The following ZNF385B variants were observed in gnomAD, a reference collection of about 807,000 sequenced individuals.
ZNF385B encodes zinc finger protein 533.
ZNF385B carries 23 observed loss-of-function variants against 39.2 expected under a neutral mutation model. The observed-to-expected ratio is 0.59, with a 90% CI of 0.42 to 0.83. The LOEUF is 0.83. Ranked by LOEUF, ZNF385B falls within the 40% of genes least tolerant of loss-of-function variation. The pLI, the probability that ZNF385B is intolerant of heterozygous loss-of-function variation, is 0.00. For synonymous variants in ZNF385B, 205 were observed against 222.6 expected, an observed-to-expected ratio of 0.92 and a Z score of 0.70; for missense variants, 552 against 598.9, an observed-to-expected ratio of 0.92 and a Z score of 0.82.
At chr2:179,766,888 T>C (rs1230497064) in intron 3 of ZNF385B, among the ~76,000 whole-genome samples, 2 of 152,156 alleles carry the variant, frequency 1.3e-5, no homozygotes, top group Non-Finnish European at 2.9e-5. Context: ...GCTTGCTTTG[T>C]CAGTGGGCTT....
At chr2:179,505,565 A>T (rs915862837) in intron 5 of ZNF385B, among the ~76,000 whole-genome samples, 11 of 152,108 alleles carry the variant, frequency 7.2e-5, no homozygotes, top group Non-Finnish European at 1.5e-4. Context: ...AAACTGGGTA[A>T]CCACCTTAAG....
rs143659045 is a variant in ZNF385B, at chr2:179,798,098, C to T, written c.-154-27426G>A. ...AGGGATCTTTTTTTAAGTATCATTA[C>T]CAACTTATGGATTCTAACATATCTC... is the stretch of plus-strand genomic sequence containing the variant. On this transcript the variant is annotated intron_variant, in intron 1 of 9. Coordinates refer to ENST00000410066, the MANE Select transcript of ZNF385B (RefSeq NM_152520.6). Among the ~76,000 whole-genome samples the T allele has an allele frequency of 8.7e-3, 1,319 of 152,102 alleles. 9 individuals are homozygous for T. Among genetic ancestry groups the T allele is most frequent in the Non-Finnish European group, 0.014 (955 of 67,984 alleles).
At chr2:179,670,707 A>G (rs1411550999) in intron 3 of ZNF385B, among the ~76,000 whole-genome samples, 1 of 152,236 alleles carries the variant, frequency 6.6e-6, no homozygotes, top group Non-Finnish European at 1.5e-5. Flanking sequence ...GAGAAGGACA[A>G]TATTTAATTA....
chr2:179,458,228 A>T (rs1056036487), intron 6 of ZNF385B, among the ~76,000 whole-genome samples: 3 of 152,194 alleles, frequency 2.0e-5, no homozygotes, highest in Non-Finnish European at 4.4e-5. Flanking sequence ...TCACGTGGGC[A>T]GGTCTTTCTC....
intron 3 of ZNF385B, among the ~76,000 whole-genome samples, chr2:179,670,625 T>C (rs1695856922): frequency 6.6e-6 from 1 of 152,230 alleles, no homozygotes; most frequent in Admixed American, 6.5e-5. Context: ...TCTGAAAAGC[T>C]AATGATTGGT....
rs58291049 is a variant in ZNF385B, at chr2:179,540,539, C to A, written c.441+4288G>T. Among the ~76,000 whole-genome samples, 36 of 152,088 alleles carry A rather than the reference C, an allele frequency of 2.4e-4. No individual in the cohort carries two copies. The East Asian group carries it at 6.4e-3, about 27-fold the overall frequency. ...TCAGGAAAATATAAATTAAGTTAAA[C>A]ACTTGGGCTTATCGCCTGGTCTTAG... On this transcript the variant is annotated intron_variant, in intron 4 of 9. Transcript: ENST00000410066.
intron 5 of ZNF385B, among the ~76,000 whole-genome samples, chr2:179,490,727 T>G (rs1198637382): frequency 1.3e-5 from 2 of 152,220 alleles, no homozygotes; most frequent in Admixed American, 6.6e-5. Context: ...CACTTTCAAT[T>G]ACTGGAAGGC....
At chr2:179,519,570 A>C (rs184066597) in intron 4 of ZNF385B, among the ~76,000 whole-genome samples, 32 of 152,328 alleles carry the variant, frequency 2.1e-4, no homozygotes, top group African/African-American at 7.2e-4. Flanking sequence ...TAGTCATTAA[A>C]ACACTCAGGA....
rs574372628 is a variant in ZNF385B at position 179,584,577 on chromosome 2, A to C, written c.299-39608T>G. ...AAGACTCAGAGTTTATAATGAGTAC[A>C]ACATATCTGGAGGACTAAAGGTGGC... On this transcript the variant is annotated intron_variant, in intron 3 of 9. Transcript: ENST00000410066. 5.3e-5 allele frequency among the ~76,000 whole-genome samples: 8 copies of C among 152,334 alleles called. No individual in the cohort carries two copies. In the South Asian group the frequency reaches 1.7e-3, roughly 32 times the overall value.
At chr2:179,748,236 A>T in intron 3 of ZNF385B, among the ~76,000 whole-genome samples, 1 of 152,110 alleles carries the variant, frequency 6.6e-6, no homozygotes, top group East Asian at 1.9e-4. Context: ...AGGACATGGA[A>T]AAGATAGGCA....
chr2:179,805,790 A>G (rs1354899154), intron 1 of ZNF385B, among the ~76,000 whole-genome samples: 1 of 152,218 alleles, frequency 6.6e-6, no homozygotes, highest in Non-Finnish European at 1.5e-5. Context: ...TCCTTCTGCT[A>G]TTATAAAGAC....
At chr2:179,770,781 G>T (rs1445017284) in intron 1 of ZNF385B, 109 bp from the exon 2 acceptor site, 1 of 152,162 alleles carries the variant, frequency 6.6e-6, no homozygotes, top group East Asian at 1.9e-4. Context: ...TTCTTCGTTT[G>T]TTTAGATAAG....
In ZNF385B at chr2:179,495,505, G is replaced by A. The variant is rs984276513; in HGVS notation, c.553-12071C>T. On this transcript the variant is annotated intron_variant, in intron 5 of 9. Transcript: ENST00000410066. The stretch of plus-strand genomic sequence containing the variant: ...TATTGTAAAGTCCCCAGGGCCTTGC[G>A]TAAACATAGGCAGCAGCCATGGAGT... Among the ~76,000 whole-genome samples the A allele has an allele frequency of 4.6e-5, 7 of 152,154 alleles. No homozygotes were observed. In the South Asian group the frequency reaches 1.0e-3, roughly 23 times the overall value.
intron 3 of ZNF385B, among the ~76,000 whole-genome samples, chr2:179,559,668 A>G (rs952334889): frequency 6.6e-6 from 1 of 152,086 alleles, no homozygotes; most frequent in East Asian, 1.9e-4. Context: ...TATAAAATTT[A>G]TAGTGTACAA....
intron 3 of ZNF385B, among the ~76,000 whole-genome samples, chr2:179,628,495 G>A (rs569405887): frequency 2.0e-5 from 3 of 152,122 alleles, no homozygotes; most frequent in East Asian, 1.9e-4. Context: ...AGACCTAGAG[G>A]TTTGAACAGA....
chr2:179,682,719 AT>A (rs1341228143), intron 3 of ZNF385B, among the ~76,000 whole-genome samples: 5 of 152,178 alleles, frequency 3.3e-5, no homozygotes, highest in Non-Finnish European at 7.4e-5. Flanking sequence ...ATCCTCTTAC[AT>A]TTGTATGTAT....
At chr2:179,541,728 G>A (rs2059930410) in intron 4 of ZNF385B, among the ~76,000 whole-genome samples, 1 of 152,054 alleles carries the variant, frequency 6.6e-6, no homozygotes, top group Non-Finnish European at 1.5e-5. Context: ...GTTTGTAGAG[G>A]TCTATTATAC....
chr2:179,551,339 A>T (rs1038924949), intron 3 of ZNF385B, among the ~76,000 whole-genome samples: 10 of 152,120 alleles, frequency 6.6e-5, no homozygotes, highest in Non-Finnish European at 1.5e-4. Context: ...ACAGGAGAAT[A>T]GAAAATTCCA....
intron 1 of ZNF385B, among the ~76,000 whole-genome samples, chr2:179,827,108 C>T (rs1707721918): frequency 6.6e-6 from 1 of 152,110 alleles, no homozygotes; most frequent in South Asian, 2.1e-4. Context: ...CCATCAAGTA[C>T]CAGATACTTT....
Sources: allele counts gnomAD v4.1 joint callset (sites outside exome capture counted in the v4.1 genomes callset), GRCh38; gene constraint gnomAD v4.1.1; transcripts MANE v1.5; gene names NCBI Gene and HGNC (gene_info 2026-07-23, HGNC 2026-07-21).